RRAGD: variants seen among roughly 807,000 people sequenced by gnomAD.
The protein encoded by RRAGD is ras-related GTP-binding protein D.
A neutral mutation model predicts 35.5 loss-of-function variants in RRAGD; 12 were observed. The ratio of observed to expected loss-of-function variants is 0.34; its 90% CI spans 0.22 to 0.55. The LOEUF (loss-of-function observed/expected upper bound fraction) is 0.55. RRAGD is among the 20% of genes least tolerant of loss of function. RRAGD has a pLI of 0.91. For missense variants in RRAGD, 324 were observed against 490.1 expected (o/e 0.66, Z 3.20); for synonymous variants, 155 against 178.9 (o/e 0.87, Z 1.07).
intron 6 of RRAGD, among the ~76,000 whole-genome samples, chr6:89,370,339 C>T (rs769701474): frequency 9.2e-5 from 14 of 152,272 alleles, no homozygotes; most frequent in Non-Finnish European, 1.5e-4. Flanking sequence ...ATGGTACACA[C>T]AGGAAAAATA....
chr6:89,408,041 C>A (rs1314095649), intron 1 of RRAGD, among the ~76,000 whole-genome samples: 1 of 152,172 alleles, frequency 6.6e-6, no homozygotes, highest in Non-Finnish European at 1.5e-5. Context: ...TTGGGCACAT[C>A]ATTTTAACCT....
chr6:89,405,690 C>T (rs1275578811), intron 1 of RRAGD, among the ~76,000 whole-genome samples: 1 of 152,116 alleles, frequency 6.6e-6, no homozygotes, highest in African/African-American at 2.4e-5. Context: ...GCTCACTCAA[C>T]CTTAAGGGAA....
At chr6:89,405,466 T>C (rs926541626) in intron 1 of RRAGD, among the ~76,000 whole-genome samples, 2 of 151,828 alleles carry the variant, frequency 1.3e-5, no homozygotes, top group African/African-American at 2.4e-5. Flanking sequence ...CAACTCTCCA[T>C]TTACTAGCTA....
Position 89,377,826 on chromosome 6 carries a change from A to C in RRAGD, c.760-13T>G. ...CAATTCCAGAATTCTGAAATTTAAA[A>C]AAAAAAGTTGCCTTAAAGCAACAGT... On this transcript the variant is annotated splice_polypyrimidine_tract_variant and intron_variant, in intron 4 of 6. Transcript: ENST00000369415. The C allele has an allele frequency of 6.3e-7, 1 of 1,589,690 alleles. No individual in the cohort carries two copies. Among genetic ancestry groups the C allele is most frequent in the East Asian group, 2.2e-5 (1 of 44,474 alleles).
chr6:89,377,968 C>T (rs367939544), intron 4 of RRAGD, among the ~76,000 whole-genome samples, 155 bp from the exon 5 acceptor site: 12 of 152,142 alleles, frequency 7.9e-5, no homozygotes, highest in African/African-American at 2.4e-4. Flanking sequence ...ACAATTTAAA[C>T]TTCACTGTCA....
intron 1 of RRAGD, among the ~76,000 whole-genome samples, chr6:89,409,971 T>C (rs1436237817): frequency 1.3e-5 from 2 of 152,166 alleles, no homozygotes; most frequent in Non-Finnish European, 2.9e-5. Flanking sequence ...CAAAAGCCCA[T>C]TCAGAAGGAT....
At chr6:89,396,555 G>C (rs924046287) in intron 1 of RRAGD, among the ~76,000 whole-genome samples, 3 of 151,452 alleles carry the variant, frequency 2.0e-5, no homozygotes, top group African/African-American at 7.3e-5. Flanking sequence ...GCCTCCAGAG[G>C]AGCTGGGACT....
intron 2 of RRAGD, among the ~76,000 whole-genome samples, chr6:89,386,918 T>C (rs1343714116): frequency 6.6e-6 from 1 of 152,226 alleles, no homozygotes; most frequent in African/African-American, 2.4e-5. Flanking sequence ...TAGAACTTTA[T>C]CTTCATAGGA....
intron 1 of RRAGD, among the ~76,000 whole-genome samples, chr6:89,391,751 G>T (rs988018201): frequency 6.6e-6 from 1 of 151,776 alleles, no homozygotes; most frequent in African/African-American, 2.4e-5. Context: ...TCAGGAGTTT[G>T]AGACCAGCCT....
At chr6:89,369,717 G>A (rs1397810787) in intron 6 of RRAGD, among the ~76,000 whole-genome samples, 1 of 152,102 alleles carries the variant, frequency 6.6e-6, no homozygotes. Context: ...TATTGTTCTT[G>A]ACAAACCTTA....
chr6:89,374,858 T>G (rs923520088), intron 5 of RRAGD, among the ~76,000 whole-genome samples: 1 of 152,194 alleles, frequency 6.6e-6, no homozygotes, highest in African/African-American at 2.4e-5. Context: ...TTAAAGATGC[T>G]TTAACAGAAT....
chr6:89,389,610 C>T (rs890461959), intron 1 of RRAGD, among the ~76,000 whole-genome samples: 2 of 151,184 alleles, frequency 1.3e-5, no homozygotes, highest in Non-Finnish European at 2.9e-5. Context: ...CCCTGTAGGG[C>T]TCTCTCTTTC....
chr6:89,390,872 TG>T (rs1426856022), intron 1 of RRAGD, among the ~76,000 whole-genome samples: 4 of 152,148 alleles, frequency 2.6e-5, no homozygotes, highest in Non-Finnish European at 5.9e-5. Context: ...CACTCCAGCC[TG>T]GGCAACAGAG....
At chr6:89,393,367 C>G (rs1769273119) in intron 1 of RRAGD, among the ~76,000 whole-genome samples, 1 of 152,200 alleles carries the variant, frequency 6.6e-6, no homozygotes, top group Admixed American at 6.5e-5. Context: ...AGACAAGCAA[C>G]AGAGTCATTA....
chr6:89,395,761 A>G (rs1769320741), intron 1 of RRAGD, among the ~76,000 whole-genome samples: 1 of 152,226 alleles, frequency 6.6e-6, no homozygotes, highest in Non-Finnish European at 1.5e-5. Context: ...CATGGTTCCC[A>G]TCTCAGAGAA....
intron 2 of RRAGD, among the ~76,000 whole-genome samples, chr6:89,381,366 T>G (rs887797331): frequency 3.9e-5 from 6 of 152,184 alleles, no homozygotes; most frequent in African/African-American, 1.4e-4. Context: ...CAATACTAAC[T>G]TTTTTCTTCT....
chr6:89,396,728 ATTTTTTT>A (rs1160973684), intron 1 of RRAGD, among the ~76,000 whole-genome samples: 2 of 76,402 alleles, frequency 2.6e-5, no homozygotes, highest in East Asian at 3.7e-4. Context: ...CAATGACCCA[ATTTTTTT>A]TTTTTTTTTT....
intron 1 of RRAGD, among the ~76,000 whole-genome samples, chr6:89,393,001 T>C (rs1330561429): frequency 6.6e-6 from 1 of 152,184 alleles, no homozygotes; most frequent in African/African-American, 2.4e-5. Flanking sequence ...GATTACATGC[T>C]ACCCAGTCAC....
At position 89,385,681 on chromosome 6, in the gene RRAGD, G is replaced by A. The variant is rs146630898; in HGVS notation, c.444+1614C>T. On this transcript the variant is annotated intron_variant, in intron 2 of 6. Transcript: ENST00000369415. Reference sequence around the variant, plus strand: ...GTTTCTGGGTAGGCCCATGGGAAGAGAGTAAACTGCTGATCACAGATCAGG... The same window carrying A: ...GTTTCTGGGTAGGCCCATGGGAAGAAAGTAAACTGCTGATCACAGATCAGG... 2.4e-3 allele frequency among the ~76,000 whole-genome samples: 367 copies of A among 152,276 alleles called. 1 individual carries two copies. The highest frequency in any genetic ancestry group is 3.9e-3 in the Non-Finnish European group (267 of 68,020).
Sources: gnomAD v4.1 joint callset for allele counts (sites outside exome capture counted in the v4.1 genomes callset) on GRCh38, gnomAD v4.1.1 for gene constraint, MANE v1.5 for transcripts, NCBI Gene and HGNC (gene_info 2026-07-23, HGNC 2026-07-21) for gene names.